ZNF248: variants seen among roughly 807,000 people sequenced by gnomAD.
ZNF248 encodes the protein KRAB protein domain.
ZNF248 carries 20 observed loss-of-function variants against 44.3 expected under a neutral mutation model. That is an observed-to-expected ratio of 0.45 (90% CI 0.32 to 0.66). ZNF248 has a LOEUF of 0.66. Ranked by LOEUF, ZNF248 falls within the 30% of genes least tolerant of loss-of-function variation. The probability of loss-of-function intolerance (pLI) is 0.04; values close to 1 mark genes in which losing one functional copy is unlikely to be tolerated. For missense variants in ZNF248, 654 were observed against 677.0 expected (o/e 0.97, Z 0.38); for synonymous variants, 224 against 229.0 (o/e 0.98, Z 0.20).
chr10:37,839,110 G>A (rs1363960312), intron 3 of ZNF248, among the ~76,000 whole-genome samples: 2 of 152,064 alleles, frequency 1.3e-5, no homozygotes, highest in Non-Finnish European at 2.9e-5. Context: ...ATTGCTCCTG[G>A]GAGTCTAGAA....
At chr10:37,825,909 A>AAG (rs1554828395), downstream of ZNF248, among the ~76,000 whole-genome samples, 2 of 150,310 alleles carry the variant, frequency 1.3e-5, no homozygotes, top group African/African-American at 4.9e-5. Context: ...AAAAAAAAAA[A>AAG]GGGGGGGAGA....
chr10:37,856,618 A>G, intron 1 of ZNF248, 86 bp from the exon 2 acceptor site: 2 of 1,064,380 alleles, frequency 1.9e-6, no homozygotes, highest in Non-Finnish European at 2.3e-6. Context: ...TGGGTTTGTC[A>G]AAATTCCTTG....
At chr10:37,840,946 A>G (rs1238105820) in intron 3 of ZNF248, among the ~76,000 whole-genome samples, 2 of 152,210 alleles carry the variant, frequency 1.3e-5, no homozygotes, top group Admixed American at 6.5e-5. Context: ...ACAGGAACCA[A>G]TTGAAAACAC....
At position 37,829,546 on chromosome 10, in the gene ZNF248, G is replaced by C; in HGVS notation, c.*2069C>G. 1.0e-6 allele frequency: 1 copy of C among 985,306 alleles called. No homozygotes were observed. The highest frequency in any genetic ancestry group is 1.2e-6 in the Non-Finnish European group (1 of 829,916). 61.0% of individuals were successfully genotyped at this position (985,306 alleles called of 1,614,324 possible). ...TGCCTTCAGCTCTAAGTATCAGACA[G>C]CCCTAAGACCAAATAAAAAACAGTT... On this transcript the variant is annotated 3_prime_UTR_variant, in exon 6 of 6. Coordinates refer to ENST00000395867, the MANE Select transcript of ZNF248 (RefSeq NM_021045.3).
chr10:37,805,346 T>A (rs1324496664), intron 6 of ZNF248, among the ~76,000 whole-genome samples: 1 of 152,196 alleles, frequency 6.6e-6, no homozygotes, highest in East Asian at 1.9e-4. Context: ...ATGCTAGTAC[T>A]AATGAAAAGA....
intron 3 of ZNF248, among the ~76,000 whole-genome samples, chr10:37,851,768 C>CAAAAAAAAAAAAAAAA: frequency 3.1e-5 from 1 of 32,060 alleles, no homozygotes; most frequent in Non-Finnish European, 5.5e-5. Flanking sequence ...TCAGAATGAC[C>CAAAAAAAAAAAAAAAA]AAAAAAAAAA....
chr10:37,807,467 T>G (rs1165152133), intron 6 of ZNF248, among the ~76,000 whole-genome samples: 2 of 152,226 alleles, frequency 1.3e-5, no homozygotes, highest in Admixed American at 6.5e-5. Context: ...AAAACATCTT[T>G]GGTATTTTGA....
intron 6 of ZNF248, among the ~76,000 whole-genome samples, chr10:37,776,832 G>C (rs939784314): frequency 2.0e-5 from 3 of 152,038 alleles, no homozygotes; most frequent in South Asian, 2.1e-4. Context: ...TTTTAGGTAG[G>C]GTGGTCTACC....
chr10:37,829,378 A>G lies in ZNF248; in HGVS notation c.*2237T>C. On this transcript the variant is annotated 3_prime_UTR_variant, in exon 6 of 6. Transcript: ENST00000395867. ...CTGCCATTAAAATATTTTTAGTTGG[A>G]GAATTCTGTTTTCCACCAGAAAGAA... 1 of 985,460 alleles carries G rather than the reference A, an allele frequency of 1.0e-6. No homozygotes were observed. The highest frequency in any genetic ancestry group is 1.2e-6 in the Non-Finnish European group (1 of 829,948). The allele number at this position is 985,460 out of a possible 1,614,324, so 61.0% of individuals were successfully genotyped here. A position where few individuals can be genotyped will look rare whatever the true frequency, so the allele number is the denominator to read the frequency against.
chr10:37,790,355 A>C (rs1475146602), intron 6 of ZNF248, among the ~76,000 whole-genome samples: 1 of 151,498 alleles, frequency 6.6e-6, no homozygotes, highest in Non-Finnish European at 1.5e-5. Context: ...TGAGGCTGGA[A>C]AATCGCTTGA....
chr10:37,817,898 CTTTTT>C (rs943542784), intron 6 of ZNF248, among the ~76,000 whole-genome samples: 1 of 151,904 alleles, frequency 6.6e-6, no homozygotes, highest in East Asian at 1.9e-4. Context: ...TCTGTATTTT[CTTTTT>C]TATTTATTAT....
intron 3 of ZNF248, among the ~76,000 whole-genome samples, chr10:37,842,230 A>G (rs2058474562): frequency 6.6e-6 from 1 of 152,140 alleles, no homozygotes; most frequent in South Asian, 2.1e-4. Context: ...AACATACAAG[A>G]GGACAAGATT....
At chr10:37,806,192 C>T (rs2133299533) in intron 6 of ZNF248, among the ~76,000 whole-genome samples, 1 of 152,232 alleles carries the variant, frequency 6.6e-6, no homozygotes, top group South Asian at 2.1e-4. Context: ...ATCTTTCAGA[C>T]TCTGCTTTCA....
Position 37,829,199 on chromosome 10 carries a change from G to T in ZNF248, c.*2416C>A. 1.0e-6 allele frequency: 1 copy of T among 985,412 alleles called. No homozygotes were observed. Among genetic ancestry groups the T allele is most frequent in the Non-Finnish European group, 1.2e-6 (1 of 829,960 alleles). 61.0% of individuals were successfully genotyped at this position (985,412 alleles called of 1,614,324 possible). A position where few individuals can be genotyped will look rare whatever the true frequency, so the allele number is the denominator to read the frequency against. On this transcript the variant is annotated 3_prime_UTR_variant, in exon 6 of 6. Coordinates refer to ENST00000395867, the MANE Select transcript of ZNF248 (RefSeq NM_021045.3). The stretch of plus-strand genomic sequence containing the variant: ...GTAGTAATGATGTCTCTTACAAGGT[G>T]GCCCCTCCTTCATGACAGCAGTTCT...
chr10:37,836,888 T>G (rs529856562), intron 5 of ZNF248, among the ~76,000 whole-genome samples: 1 of 151,938 alleles, frequency 6.6e-6, no homozygotes, highest in African/African-American at 2.4e-5. Context: ...ATAACAGACA[T>G]AGTGAGTGCT....
chr10:37,818,061 G>A (rs1365684307), intron 6 of ZNF248, among the ~76,000 whole-genome samples: 13 of 151,914 alleles, frequency 8.6e-5, no homozygotes, highest in African/African-American at 2.7e-4. Context: ...GACTATAGGC[G>A]CCCACCACCA....
downstream of ZNF248, among the ~76,000 whole-genome samples, chr10:37,825,293 A>G (rs2054199367): frequency 6.6e-6 from 1 of 152,202 alleles, no homozygotes; most frequent in African/African-American, 2.4e-5. Flanking sequence ...AAGGGTAATT[A>G]TTTTTAAATT....
At chr10:37,793,138 T>C (rs1299404867) in intron 6 of ZNF248, among the ~76,000 whole-genome samples, 1 of 151,638 alleles carries the variant, frequency 6.6e-6, no homozygotes, top group Non-Finnish European at 1.5e-5. Flanking sequence ...TCAAGACCGG[T>C]TTGGCCAACA....
downstream of ZNF248, chr10:37,776,510 C>T (rs1588939827): frequency 2.5e-6 from 1 of 398,370 alleles, no homozygotes; most frequent in East Asian, 3.6e-5. Context: ...GGTGGGATTC[C>T]TGTTCCTAGG....
Sources: allele counts gnomAD v4.1 joint callset (sites outside exome capture counted in the v4.1 genomes callset), GRCh38; gene constraint gnomAD v4.1.1; transcripts MANE v1.5; gene names NCBI Gene and HGNC (gene_info 2026-07-23, HGNC 2026-07-21).